PHACTR1: variants seen among roughly 807,000 people sequenced by gnomAD.
The protein encoded by PHACTR1 is phosphatase and actin regulator 1.
A neutral mutation model predicts 69.2 loss-of-function variants in PHACTR1; 16 were observed. That is an observed-to-expected ratio of 0.23 (90% CI 0.16 to 0.35). The LOEUF is 0.35. PHACTR1 is among the 10% of genes least tolerant of loss of function. The probability of loss-of-function intolerance (pLI) is 1.00; values close to 1 mark genes in which losing one functional copy is unlikely to be tolerated. For missense variants in PHACTR1, 510 were observed against 734.7 expected (o/e 0.69, Z 3.54); for synonymous variants, 312 against 284.5 (o/e 1.10, Z -0.97).
At chr6:12,778,162 G>A (rs1440675019) in intron 4 of PHACTR1, among the ~76,000 whole-genome samples, 1 of 152,208 alleles carries the variant, frequency 6.6e-6, no homozygotes, top group African/African-American at 2.4e-5. Flanking sequence ...ATACACATAT[G>A]TGACATAACA....
At position 13,205,898 on chromosome 6, in the gene PHACTR1, C is replaced by A. The variant is rs758162728; in HGVS notation, c.748C>A (p.Pro250Thr). ...LPPKKVMICM[P>T]VGGPDLSLVS... is the part of the protein sequence containing the mutation. ...TCCAAAGAAAGTCATGATCTGTATG[C>A]CCGTGGGGGGGCCAGACCTCTCACT... Residue 250 changes from proline (P) to threonine (T), a missense_variant, in exon 8 of 15, where the codon CCC (proline) becomes ACC (threonine). By Grantham distance (38) the Pro-to-Thr change is conservative. This residue lies in a region of PHACTR1 where 419 missense variants were observed against 530.9 expected (regional missense o/e 0.79). Coordinates refer to ENST00000332995, the MANE Select transcript of PHACTR1 (RefSeq NM_030948.6). 2.4e-5 allele frequency: 39 copies of A among 1,613,518 alleles called. No individual in the cohort carries two copies. The South Asian group carries it at 3.4e-4, about 14-fold the overall frequency.
Position 12,906,441 on chromosome 6 carries a change from A to G in PHACTR1, c.251-146924A>G, listed in dbSNP as rs142562794. Among the ~76,000 whole-genome samples, 377 of 152,350 alleles carry G rather than the reference A, an allele frequency of 2.5e-3. 1 individual carries two copies. The highest frequency in any genetic ancestry group is 8.6e-3 in the African/African-American group (359 of 41,582). On this transcript the variant is annotated intron_variant, in intron 4 of 14. Coordinates refer to ENST00000332995, the MANE Select transcript of PHACTR1 (RefSeq NM_030948.6). ...TGAAAAGTGCTCTTGATAATAAACT[A>G]AAATATTTCCTTCTCTCAGATCATC...
chr6:13,027,382 A>G (rs1360336108), intron 4 of PHACTR1, among the ~76,000 whole-genome samples: 2 of 152,160 alleles, frequency 1.3e-5, no homozygotes, highest in Admixed American at 1.3e-4. Context: ...AGAAAAGACA[A>G]GTTCCTTCAT....
intron 4 of PHACTR1, among the ~76,000 whole-genome samples, chr6:12,909,878 G>A (rs533341426): frequency 6.6e-6 from 1 of 152,292 alleles, no homozygotes; most frequent in African/African-American, 2.4e-5. Context: ...CAGGGCTTAC[G>A]ATTCCCACTA....
chr6:13,242,441 A>G (rs1287143841), intron 10 of PHACTR1, among the ~76,000 whole-genome samples: 2 of 152,232 alleles, frequency 1.3e-5, no homozygotes, highest in Admixed American at 6.5e-5. Context: ...TGTCACAGCT[A>G]TAAGAGACTT....
At chr6:13,082,408 T>C (rs1267802763) in intron 5 of PHACTR1, among the ~76,000 whole-genome samples, 3 of 152,164 alleles carry the variant, frequency 2.0e-5, no homozygotes, top group Non-Finnish European at 4.4e-5. Context: ...GTGTTAGCCA[T>C]AGGAATCTGA....
intron 4 of PHACTR1, among the ~76,000 whole-genome samples, chr6:12,864,795 C>T (rs1781293145): frequency 6.6e-6 from 1 of 152,122 alleles, no homozygotes; most frequent in African/African-American, 2.4e-5. Flanking sequence ...ATCCATGAGA[C>T]AAACATGGAG....
chr6:12,767,980 A>G (rs1024056975), intron 4 of PHACTR1, among the ~76,000 whole-genome samples: 3 of 152,110 alleles, frequency 2.0e-5, no homozygotes, highest in African/African-American at 7.2e-5. Flanking sequence ...AGAAAGTGAG[A>G]CCTGGCGCAT....
Position 13,119,341 on chromosome 6 carries a change from C to T in PHACTR1, c.416-40863C>T, listed in dbSNP as rs576314400. Among the ~76,000 whole-genome samples, 8 of 152,314 alleles carry T rather than the reference C, an allele frequency of 5.3e-5. No individual in the cohort carries two copies. In the East Asian group the frequency reaches 1.2e-3, roughly 22 times the overall value. ...TTCAGAATTGACTTGAGATTTTTCA[C>T]GTATAAAGTTTACCAATTTCATGAT... On this transcript the variant is annotated intron_variant, in intron 5 of 14. Coordinates refer to ENST00000332995, the MANE Select transcript of PHACTR1 (RefSeq NM_030948.6).
chr6:12,845,365 G>T (rs1779099916), intron 4 of PHACTR1, among the ~76,000 whole-genome samples: 1 of 144,528 alleles, frequency 6.9e-6, no homozygotes, highest in African/African-American at 2.6e-5. Flanking sequence ...ACTGCCAGGT[G>T]CTTGCTCATT....
intron 5 of PHACTR1, among the ~76,000 whole-genome samples, chr6:13,071,968 A>T (rs1447892444): frequency 6.6e-6 from 1 of 152,210 alleles, no homozygotes; most frequent in African/African-American, 2.4e-5. Flanking sequence ...CAGCAGCATC[A>T]TTTTATAATA....
At chr6:12,822,277 G>T (rs778425283) in intron 4 of PHACTR1, among the ~76,000 whole-genome samples, 15 of 152,208 alleles carry the variant, frequency 9.9e-5, no homozygotes, top group Non-Finnish European at 1.5e-4. Flanking sequence ...CATGGTCTTT[G>T]CTACAGAGAG....
intron 10 of PHACTR1, among the ~76,000 whole-genome samples, chr6:13,255,124 T>C (rs1359059198): frequency 6.6e-6 from 1 of 152,136 alleles, no homozygotes; most frequent in Non-Finnish European, 1.5e-5. Context: ...AAATTTCCAA[T>C]CATGGCAGGA....
At chr6:13,013,587 G>A (rs985991357) in intron 4 of PHACTR1, among the ~76,000 whole-genome samples, 1 of 152,198 alleles carries the variant, frequency 6.6e-6, no homozygotes, top group African/African-American at 2.4e-5. Flanking sequence ...GAGGGGTGGG[G>A]CTGCCAGAGG....
At position 12,885,752 on chromosome 6, in the gene PHACTR1, G is replaced by A. The variant is rs556504780; in HGVS notation, c.250+135962G>A. Among the ~76,000 whole-genome samples the A allele has an allele frequency of 3.9e-5, 6 of 152,278 alleles. No individual in the cohort carries two copies. In the East Asian group the frequency reaches 5.8e-4, roughly 15 times the overall value. ...GGGGCAGTTCTCATCTGATGCTAGC[G>A]ATGGCAGGCACACGGAATAAGATCT... On this transcript the variant is annotated intron_variant, in intron 4 of 14. Transcript: ENST00000332995.
intron 5 of PHACTR1, among the ~76,000 whole-genome samples, chr6:13,123,710 A>G (rs564351752): frequency 6.6e-6 from 1 of 152,342 alleles, no homozygotes; most frequent in East Asian, 1.9e-4. Context: ...AACAGAAAAA[A>G]GAACAGCAGG....
At chr6:12,804,561 C>A (rs1774081365) in intron 4 of PHACTR1, among the ~76,000 whole-genome samples, 1 of 152,220 alleles carries the variant, frequency 6.6e-6, no homozygotes, top group African/African-American at 2.4e-5. Flanking sequence ...GGCCCAGTGG[C>A]TCACGCCTGT....
intron 10 of PHACTR1, among the ~76,000 whole-genome samples, chr6:13,270,843 T>C (rs563421700): frequency 6.6e-6 from 1 of 152,260 alleles, no homozygotes; most frequent in South Asian, 2.1e-4. Context: ...CTCATGGTTC[T>C]GCAGGCTATA....
chr6:13,170,801 C>T (rs1246868706), intron 6 of PHACTR1, among the ~76,000 whole-genome samples: 1 of 152,200 alleles, frequency 6.6e-6, no homozygotes, highest in East Asian at 1.9e-4. Flanking sequence ...AACCCCAGGA[C>T]CCTAGACTGC....
Sources: gnomAD v4.1 joint callset for allele counts (sites outside exome capture counted in the v4.1 genomes callset) on GRCh38, gnomAD v4.1.1 for gene constraint, gnomAD v4.1.1 regional missense constraint, MANE v1.5 for transcripts, NCBI Gene and HGNC (gene_info 2026-07-23, HGNC 2026-07-21) for gene names.